ADGRL2: variants seen among roughly 807,000 people sequenced by gnomAD.
The protein encoded by ADGRL2 is calcium-independent alpha-latrotoxin receptor 2.
In ADGRL2, 44 loss-of-function variants were observed where a neutral mutation model predicts 157.4. The observed-to-expected ratio is 0.28, with a 90% CI of 0.22 to 0.36. ADGRL2 has a LOEUF of 0.36. Ranked by LOEUF, ADGRL2 falls within the 10% of genes least tolerant of loss-of-function variation. The pLI is 1.00. For synonymous variants in ADGRL2, 585 were observed against 624.7 expected (o/e 0.94, Z 0.95); for missense variants, 1,510 against 1,768.9 (o/e 0.85, Z 2.63).
intron 2 of ADGRL2, among the ~76,000 whole-genome samples, chr1:81,879,933 A>G (rs904634318): frequency 6.6e-6 from 1 of 152,188 alleles, no homozygotes; most frequent in Non-Finnish European, 1.5e-5. Context: ...TGGCTGAGGC[A>G]TGAGAATCAC....
chr1:81,784,522 G>C (rs866029808), intron 2 of ADGRL2, among the ~76,000 whole-genome samples: 44 of 152,254 alleles, frequency 2.9e-4, no homozygotes, highest in African/African-American at 1.0e-3. Flanking sequence ...GAGGCCAGGA[G>C]TTTGAGACCA....
intron 3 of ADGRL2, among the ~76,000 whole-genome samples, chr1:81,621,404 A>G (rs2081786658): frequency 6.6e-6 from 1 of 152,194 alleles, no homozygotes; most frequent in Non-Finnish European, 1.5e-5. Flanking sequence ...ATTCCCACCT[A>G]AGATTCCATC....
chr1:81,359,554 T>G (rs967525167), intron 1 of ADGRL2, among the ~76,000 whole-genome samples: 1 of 152,054 alleles, frequency 6.6e-6, no homozygotes, highest in African/African-American at 2.4e-5. Context: ...CTCATTTTCT[T>G]AGTCAACATG....
intron 3 of ADGRL2, among the ~76,000 whole-genome samples, chr1:81,583,969 C>T (rs1432548407): frequency 1.3e-5 from 2 of 152,124 alleles, no homozygotes; most frequent in African/African-American, 4.8e-5. Context: ...TTAATTGTAT[C>T]CTGTGTTTAA....
At chr1:81,586,258 C>T (rs2081023644) in intron 3 of ADGRL2, 1 of 151,960 alleles carries the variant, frequency 6.6e-6, no homozygotes, top group African/African-American at 2.4e-5. Flanking sequence ...CTGTAATCTT[C>T]ACCCATTTCC....
intron 2 of ADGRL2, among the ~76,000 whole-genome samples, chr1:81,794,776 A>G (rs923165416): frequency 6.6e-6 from 1 of 152,224 alleles, no homozygotes; most frequent in Non-Finnish European, 1.5e-5. Flanking sequence ...GAGTTTCAAT[A>G]AGTTGAAACC....
intron 3 of ADGRL2, among the ~76,000 whole-genome samples, chr1:81,677,171 GA>G (rs2083013429): frequency 6.6e-6 from 1 of 151,846 alleles, no homozygotes; most frequent in Non-Finnish European, 1.5e-5. Context: ...TTTTAGTAGA[GA>G]GGGGGTTTCG....
At chr1:81,515,245 T>C (rs2079152814) in intron 2 of ADGRL2, 1 of 152,156 alleles carries the variant, frequency 6.6e-6, no homozygotes. Context: ...AACTGAAGCA[T>C]CAGTGTCTTT....
At position 81,991,334 on chromosome 1, in the gene ADGRL2, A is replaced by G; in HGVS notation, c.*189A>G. On this transcript the variant is annotated 3_prime_UTR_variant, in exon 24 of 24. Transcript: ENST00000686636. ...TAAAACATACAAAAACTTTGTATATACACAGAGTATACTAAAGTGAATTAT... is the reference window on the plus strand; with the variant it reads ...TAAAACATACAAAAACTTTGTATATGCACAGAGTATACTAAAGTGAATTAT... 1 of 508,816 alleles carries G rather than the reference A, an allele frequency of 2.0e-6. No individual in the cohort carries two copies. The highest frequency in any genetic ancestry group is 3.5e-6 in the Non-Finnish European group (1 of 288,626). 31.5% of individuals were successfully genotyped at this position (508,816 alleles called of 1,614,324 possible).
In ADGRL2 at chr1:81,992,195, T is replaced by C. The variant is rs1033251666; in HGVS notation, c.*1050T>C. 2 of 152,536 alleles carry C rather than the reference T, an allele frequency of 1.3e-5. No homozygotes were observed. The highest frequency in any genetic ancestry group is 2.9e-5 in the Non-Finnish European group (2 of 68,026). The allele number at this position is 152,536 out of a possible 1,614,324, so 9.4% of individuals were successfully genotyped here. On this transcript the variant is annotated 3_prime_UTR_variant, in exon 24 of 24. Transcript: ENST00000686636. ...GTGAACAAAAGGTGCCTATTCTTTT[T>C]TAAAAAAATAAAATAAAACATAAAT...
intron 2 of ADGRL2, among the ~76,000 whole-genome samples, chr1:81,520,709 C>A (rs1002835290): frequency 6.6e-6 from 1 of 152,178 alleles, no homozygotes; most frequent in Non-Finnish European, 1.5e-5. Context: ...CCTCCCCAAC[C>A]ATGCAGAACT....
intron 3 of ADGRL2, among the ~76,000 whole-genome samples, chr1:81,598,602 A>G (rs1413316769): frequency 6.6e-6 from 1 of 152,192 alleles, no homozygotes; most frequent in East Asian, 1.9e-4. Flanking sequence ...AGGACACTGG[A>G]ACAAATTTTT....
At chr1:81,546,103 C>T (rs1570455640) in intron 2 of ADGRL2, among the ~76,000 whole-genome samples, 1 of 152,112 alleles carries the variant, frequency 6.6e-6, no homozygotes, top group East Asian at 1.9e-4. Flanking sequence ...ATCCCGTCCA[C>T]CACTACCACC....
At chr1:81,766,830 C>CAAAAAA (rs71592740) in intron 2 of ADGRL2, among the ~76,000 whole-genome samples, 1 of 81,098 alleles carries the variant, frequency 1.2e-5, no homozygotes, top group Non-Finnish European at 2.4e-5. Context: ...AACTCCGTCT[C>CAAAAAA]AAAAAAAAAA....
chr1:81,851,887 T>C (rs755811927), intron 2 of ADGRL2, among the ~76,000 whole-genome samples: 63 of 151,882 alleles, frequency 4.1e-4, no homozygotes, highest in Non-Finnish European at 4.9e-4. Flanking sequence ...CTATGTTTAG[T>C]AGAAATTGAG....
At chr1:81,449,069 T>G (rs1022092455) in intron 2 of ADGRL2, among the ~76,000 whole-genome samples, 1 of 152,198 alleles carries the variant, frequency 6.6e-6, no homozygotes, top group East Asian at 1.9e-4. Flanking sequence ...ATGGAATAAG[T>G]GGCATCAAAG....
In ADGRL2 at chr1:81,328,701, G is replaced by A. The variant is rs577656906; in HGVS notation, c.-302+22192G>A. Among the ~76,000 whole-genome samples, 5 of 152,106 alleles carry A rather than the reference G, an allele frequency of 3.3e-5. No homozygotes were observed. The South Asian group carries it at 1.0e-3, about 32-fold the overall frequency. On this transcript the variant is annotated intron_variant, in intron 1 of 24. Transcript: ENST00000370721. ...ACGTTCAGATACTTTAACATAGTTA[G>A]CTATGTTAAAGTACCCTGTGGTAAG...
At chr1:81,490,645 A>C (rs2078611772) in intron 2 of ADGRL2, among the ~76,000 whole-genome samples, 1 of 152,196 alleles carries the variant, frequency 6.6e-6, no homozygotes, top group Non-Finnish European at 1.5e-5. Context: ...GAAATGTTTT[A>C]ATAACAATAC....
intron 1 of ADGRL2, among the ~76,000 whole-genome samples, chr1:81,440,345 C>T (rs59834768): frequency 0.024 from 3,602 of 152,296 alleles, 71 homozygotes; most frequent in African/African-American, 0.042. Flanking sequence ...GTGAAAATTA[C>T]ATAAATTAGC....
Sources: allele counts gnomAD v4.1 joint callset (sites outside exome capture counted in the v4.1 genomes callset), GRCh38; gene constraint gnomAD v4.1.1; transcripts MANE v1.5; gene names NCBI Gene and HGNC (gene_info 2026-07-23, HGNC 2026-07-21).